BABAM2: variants seen among roughly 807,000 people sequenced by gnomAD.
The protein encoded by BABAM2 is BRISC and BRCA1 A complex member 2, also known as BRISC and BRCA1-A complex member 2.
Under a neutral mutation model 54.7 loss-of-function variants are expected in BABAM2, and 31 were observed. The ratio of observed to expected loss-of-function variants is 0.57; its 90% CI spans 0.43 to 0.77. The LOEUF is 0.77. Ranked by LOEUF, BABAM2 falls within the 30% of genes least tolerant of loss-of-function variation. BABAM2 has a pLI of 0.00. For synonymous variants in BABAM2, 167 were observed against 162.9 expected (o/e 1.03, Z -0.19); for missense variants, 364 against 455.8 (o/e 0.80, Z 1.83).
At chr2:27,890,202 G>C (rs1664699901), upstream of BABAM2, 1 of 1,548,610 alleles carries the variant, frequency 6.5e-7, no homozygotes, top group Admixed American at 1.7e-5. The surrounding 1 kb of genome is among the most constrained non-coding windows in gnomAD (Gnocchi z 4.8). Context: ...GGCGCATAGC[G>C]CACGGCACGC....
At chr2:28,059,159 G>A (rs1041990727) in intron 6 of BABAM2, among the ~76,000 whole-genome samples, 2 of 152,116 alleles carry the variant, frequency 1.3e-5, no homozygotes, top group Non-Finnish European at 2.9e-5. Flanking sequence ...CCCTTGACTT[G>A]ATTGACATTT....
intron 2 of BABAM2, among the ~76,000 whole-genome samples, chr2:27,909,798 AT>A (rs1212646289): frequency 7.2e-5 from 11 of 152,368 alleles, no homozygotes; most frequent in Non-Finnish European, 1.2e-4. Flanking sequence ...TTAGAGACTT[AT>A]AAAATATCAC....
chr2:28,271,324 TC>T lies in BABAM2; in HGVS notation c.934+26465del, dbSNP rs11324558. On this transcript the variant is annotated intron_variant, in intron 10 of 11. Transcript: ENST00000379624. ...CTCAGGCTGGACAAGAGCCACTACCTCCCACCCAGGCAACTTCCTGCTGCAC... is the reference window on the plus strand; with the variant it reads ...CTCAGGCTGGACAAGAGCCACTACCTCCACCCAGGCAACTTCCTGCTGCAC... Among the ~76,000 whole-genome samples the T allele has an allele frequency of 4.9e-3, 753 of 152,278 alleles. 3 individuals are homozygous for T. Among genetic ancestry groups the T allele is most frequent in the African/African-American group, 0.017 (709 of 41,530 alleles).
chr2:28,148,187 C>T (rs553562920), intron 7 of BABAM2, among the ~76,000 whole-genome samples: 3 of 152,330 alleles, frequency 2.0e-5, no homozygotes, highest in South Asian at 2.1e-4. Flanking sequence ...GAAACAGTAT[C>T]GCATTGCTCA....
intron 10 of BABAM2, among the ~76,000 whole-genome samples, chr2:28,254,662 A>C (rs1014469945): frequency 1.3e-5 from 2 of 151,898 alleles, no homozygotes; most frequent in Non-Finnish European, 2.9e-5. Context: ...TTTTGATGCA[A>C]GGGAAATGTT....
chr2:28,175,897 C>A (rs183673489), intron 7 of BABAM2, among the ~76,000 whole-genome samples: 1,892 of 152,316 alleles, frequency 0.012, 36 homozygotes, highest in African/African-American at 0.044. Context: ...CCATCCCCAA[C>A]AAAACCTCAC....
intron 11 of BABAM2, among the ~76,000 whole-genome samples, chr2:28,303,604 G>A (rs560396349): frequency 6.6e-6 from 1 of 152,156 alleles, no homozygotes; most frequent in East Asian, 1.9e-4. Flanking sequence ...ATCAGGAAAG[G>A]TATCCAAGCT....
At chr2:28,060,195 A>G (rs552771327) in intron 6 of BABAM2, among the ~76,000 whole-genome samples, 56 of 152,344 alleles carry the variant, frequency 3.7e-4, no homozygotes, top group African/African-American at 1.3e-3. Flanking sequence ...TAGGCTGAAT[A>G]TTCAAAAATC....
At chr2:28,152,852 G>A (rs552342975) in intron 7 of BABAM2, among the ~76,000 whole-genome samples, 3 of 152,120 alleles carry the variant, frequency 2.0e-5, no homozygotes, top group African/African-American at 4.8e-5. Context: ...AGTTCATTTC[G>A]CTGGTGATTA....
rs544166815 is a variant in BABAM2, at chr2:28,002,678, G to C, written c.300+14591G>C. On this transcript the variant is annotated intron_variant, in intron 4 of 11. Coordinates refer to ENST00000379624, the MANE Select transcript of BABAM2 (RefSeq NM_199191.3). ...GAAAAATCTAAAAAAAGAAACCAGAGAAAACAAAAGAGCAACCATTAGATT... is the reference window on the plus strand; with the variant it reads ...GAAAAATCTAAAAAAAGAAACCAGACAAAACAAAAGAGCAACCATTAGATT... Among the ~76,000 whole-genome samples, 19 of 152,012 alleles carry C rather than the reference G, an allele frequency of 1.2e-4. No individual in the cohort carries two copies. The East Asian group carries it at 3.3e-3, about 26-fold the overall frequency.
chr2:27,944,575 G>A (rs748520119), intron 3 of BABAM2, among the ~76,000 whole-genome samples: 6 of 152,050 alleles, frequency 3.9e-5, no homozygotes, highest in Non-Finnish European at 8.8e-5. Flanking sequence ...TTTTATTGCT[G>A]TATAGCACTA....
chr2:28,013,523 C>A, intron 4 of BABAM2: 1 of 403,106 alleles, frequency 2.5e-6, no homozygotes, highest in South Asian at 1.9e-5. Context: ...GTGCATTTTG[C>A]CCAAGACATA....
chr2:28,234,973 G>T (rs976410275), intron 7 of BABAM2, among the ~76,000 whole-genome samples: 1 of 152,240 alleles, frequency 6.6e-6, no homozygotes, highest in Non-Finnish European at 1.5e-5. Context: ...ATTCTGTGCA[G>T]TTGCAGAATG....
chr2:27,970,187 G>C (rs897079141), intron 3 of BABAM2, among the ~76,000 whole-genome samples: 2 of 151,980 alleles, frequency 1.3e-5, no homozygotes, highest in Non-Finnish European at 2.9e-5. Flanking sequence ...CCCAGTCCCA[G>C]TGCCACTTCT....
chr2:28,069,068 G>C (rs940277293), intron 6 of BABAM2, among the ~76,000 whole-genome samples: 3 of 152,126 alleles, frequency 2.0e-5, no homozygotes, highest in Non-Finnish European at 4.4e-5. Flanking sequence ...AGTGAGAAAA[G>C]CTTCTTCATC....
chr2:27,971,497 T>C (rs1671220908), intron 3 of BABAM2, among the ~76,000 whole-genome samples: 1 of 152,142 alleles, frequency 6.6e-6, no homozygotes, highest in South Asian at 2.1e-4. Context: ...AATGTCTCTT[T>C]TTCTTATCAG....
intron 10 of BABAM2, among the ~76,000 whole-genome samples, chr2:28,250,350 T>G (rs1193412655): frequency 7.4e-6 from 1 of 134,278 alleles, no homozygotes; most frequent in Non-Finnish European, 1.6e-5. Flanking sequence ...AGCTATCTAA[T>G]ATTGAATTAC....
At chr2:28,310,455 A>G in intron 11 of BABAM2, 1 of 301,218 alleles carries the variant, frequency 3.3e-6, no homozygotes, top group East Asian at 5.9e-5. Flanking sequence ...AGCTTCTCTG[A>G]GAGCAGTTTT....
At chr2:28,275,793 TCA>T in intron 10 of BABAM2, among the ~76,000 whole-genome samples, 1 of 152,288 alleles carries the variant, frequency 6.6e-6, no homozygotes, top group East Asian at 1.9e-4. Context: ...ACGCATGGGC[TCA>T]CACAAAGAAA....
Sources: gnomAD v4.1 joint callset for allele counts (sites outside exome capture counted in the v4.1 genomes callset) on GRCh38, gnomAD v4.1.1 for gene constraint, Gnocchi (gnomAD v3.1) non-coding constraint, MANE v1.5 for transcripts, NCBI Gene and HGNC (gene_info 2026-07-23, HGNC 2026-07-21) for gene names.